The following IQANK1 variants were observed in gnomAD, a reference collection of about 807,000 sequenced individuals.
IQANK1 encodes IQ motif and ankyrin repeat containing 1.
In IQANK1, 30 loss-of-function variants were observed where a neutral mutation model predicts 22.6. That is an observed-to-expected ratio of 1.33 (90% confidence interval 0.99 to 1.80). The LOEUF (loss-of-function observed/expected upper bound fraction) is 1.80. Ranked by LOEUF, IQANK1 falls within the 40% of genes most tolerant of loss-of-function variation. The pLI, the probability that IQANK1 is intolerant of heterozygous loss-of-function variation, is 0.00. For missense variants in IQANK1, 275 were observed against 235.2 expected (o/e 1.17, Z -1.11); for synonymous variants, 122 against 99.6 (o/e 1.23, Z -1.34).
chr8:143,771,646 G>A lies in IQANK1; in HGVS notation c.306+28G>A, dbSNP rs905174837. 5 of 399,720 alleles carry A rather than the reference G, an allele frequency of 1.3e-5. No homozygotes were observed. Among genetic ancestry groups the A allele is most frequent in the Non-Finnish European group, 2.2e-5 (5 of 227,162 alleles). 24.8% of individuals were successfully genotyped at this position (399,720 alleles called of 1,614,324 possible). On this transcript the variant is annotated intron_variant, in intron 4 of 13. Transcript: ENST00000527139. This position sits in a 1 kb window ranked among gnomAD's most constrained non-coding sequence, Gnocchi z 6.0. Reference sequence around the variant, plus strand: ...GAGGACGGGCAGCCGCAACAGCCGGGGGCCAGGCAGGAGGCAGGGGGAGGA... The same window carrying A: ...GAGGACGGGCAGCCGCAACAGCCGGAGGCCAGGCAGGAGGCAGGGGGAGGA...
At chr8:143,780,594 C>A (rs1052755948) in intron 7 of IQANK1, among the ~76,000 whole-genome samples, 1 of 152,116 alleles carries the variant, frequency 6.6e-6, no homozygotes. Context: ...TCTGTTCCTG[C>A]GATAGTTTGC....
At chr8:143,737,520 G>C (rs556665010) in intron 2 of IQANK1, among the ~76,000 whole-genome samples, 90 of 152,320 alleles carry the variant, frequency 5.9e-4, no homozygotes, top group African/African-American at 2.1e-3. Context: ...ATGTGAAGAT[G>C]GGCCCACAGA....
At chr8:143,784,295 T>A (rs28718804) in intron 7 of IQANK1, among the ~76,000 whole-genome samples, 6,029 of 152,142 alleles carry the variant, frequency 0.04, 422 homozygotes, top group African/African-American at 0.14. Flanking sequence ...AATAGTGAGT[T>A]CTCATGAGAT....
chr8:143,757,095 A>G (rs1819307665), intron 3 of IQANK1, among the ~76,000 whole-genome samples: 1 of 152,190 alleles, frequency 6.6e-6, no homozygotes, highest in African/African-American at 2.4e-5. Context: ...CATATGTGCA[A>G]CTGACAGTCA....
intron 3 of IQANK1, among the ~76,000 whole-genome samples, chr8:143,741,447 C>T (rs1406817662): frequency 6.6e-6 from 1 of 152,164 alleles, no homozygotes; most frequent in Non-Finnish European, 1.5e-5. Context: ...TGCCATGGTG[C>T]CTCTTTTTGC....
chr8:143,756,532 G>A (rs1297777267), intron 3 of IQANK1, among the ~76,000 whole-genome samples: 5 of 152,110 alleles, frequency 3.3e-5, no homozygotes, highest in African/African-American at 1.2e-4. Context: ...GGTGTACCAT[G>A]AATTGCTGGT....
rs1045311018 is a variant in IQANK1 at position 143,738,503 on chromosome 8, C to T, written c.86-1356C>T. 9.2e-5 allele frequency among the ~76,000 whole-genome samples: 14 copies of T among 152,300 alleles called. No homozygotes were observed. The East Asian group carries it at 1.2e-3, about 13-fold the overall frequency. On this transcript the variant is annotated intron_variant, in intron 2 of 13. Transcript: ENST00000527139. The stretch of plus-strand genomic sequence containing the variant: ...CAGGGAGTTTATAGGGACTCCACGG[C>T]GCGGTGGCTCGCCTGGGCTGAGAGG...
At chr8:143,789,719 C>T (rs955114574) in intron 10 of IQANK1, 42 bp from the exon 11 acceptor site, 1 of 1,225,970 alleles carries the variant, frequency 8.2e-7, no homozygotes, top group Non-Finnish European at 1.0e-6. Flanking sequence ...CCAGCCAGAG[C>T]ATGGGGCAGG....
At chr8:143,743,079 C>T (rs1554626834) in intron 3 of IQANK1, 2 of 455,250 alleles carry the variant, frequency 4.4e-6, no homozygotes, top group Admixed American at 4.7e-5. Flanking sequence ...TAGCAGCCAC[C>T]ACATCTACCA....
At chr8:143,757,628 C>T (rs964744485) in intron 3 of IQANK1, among the ~76,000 whole-genome samples, 10 of 152,124 alleles carry the variant, frequency 6.6e-5, no homozygotes, top group African/African-American at 1.2e-4. Context: ...TGAGCCACCA[C>T]GCTTGGCCAC....
At chr8:143,772,508 C>T (rs548802138) in intron 7 of IQANK1, 26 bp downstream of exon 7, 33 of 398,184 alleles carry the variant, frequency 8.3e-5, no homozygotes, top group Non-Finnish European at 1.2e-4. Context: ...GTGTGGGCCC[C>T]GGGAGGTGTG....
At chr8:143,744,639 A>G (rs1280184201) in intron 3 of IQANK1, 3 of 152,132 alleles carry the variant, frequency 2.0e-5, no homozygotes, top group Admixed American at 6.5e-5. Context: ...GATGGAAACC[A>G]CCACACCTGC....
intron 3 of IQANK1, chr8:143,744,127 T>A (rs1554626995): frequency 4.9e-6 from 1 of 202,824 alleles, no homozygotes. Context: ...CCACCAGGCC[T>A]GGCTCCTTTT....
rs549672175 is a variant in IQANK1, at chr8:143,789,703, C to G, written c.1087-58C>G. Reference sequence around the variant, plus strand: ...GGTGGGGAGGAAGCTCGGGCAGCTGCCCTCTCCAGCCAGAGCATGGGGCAG... The same window carrying G: ...GGTGGGGAGGAAGCTCGGGCAGCTGGCCTCTCCAGCCAGAGCATGGGGCAG... On this transcript the variant is annotated intron_variant, in intron 10 of 13. Coordinates refer to ENST00000527139, the MANE Select transcript of IQANK1 (RefSeq NM_001381874.1). 4.9e-6 allele frequency: 6 copies of G among 1,222,218 alleles called. No individual in the cohort carries two copies. In the African/African-American group the frequency reaches 9.3e-5, roughly 19 times the overall value. 75.7% of individuals were successfully genotyped at this position (1,222,218 alleles called of 1,614,324 possible).
chr8:143,787,761 C>T (rs936128160), intron 7 of IQANK1, among the ~76,000 whole-genome samples: 23 of 152,212 alleles, frequency 1.5e-4, no homozygotes, highest in South Asian at 6.2e-4. Flanking sequence ...ACCTCCTTCC[C>T]CTCATCCTGT....
intron 3 of IQANK1, among the ~76,000 whole-genome samples, chr8:143,753,212 C>G (rs574145355): frequency 6.6e-6 from 1 of 151,928 alleles, no homozygotes; most frequent in African/African-American, 2.4e-5. Flanking sequence ...CAGGGTTTTG[C>G]TATGTTGCCC....
chr8:143,753,182 G>A (rs1247088151), intron 3 of IQANK1, among the ~76,000 whole-genome samples: 2 of 150,976 alleles, frequency 1.3e-5, no homozygotes, highest in Non-Finnish European at 3.0e-5. Context: ...TTTTGTTTTT[G>A]TTTTTATTTC....
intron 3 of IQANK1, chr8:143,759,666 G>A (rs955964559): frequency 1.3e-5 from 2 of 152,264 alleles, no homozygotes; most frequent in African/African-American, 4.8e-5. Flanking sequence ...GTTCTCCAAG[G>A]ATGCCCGCCT....
At chr8:143,790,091 GA>G (rs1563783843) in intron 12 of IQANK1, 27 bp downstream of exon 12, 2 of 1,232,004 alleles carry the variant, frequency 1.6e-6, no homozygotes. Context: ...AGACGTGGGC[GA>G]TTTGGGGTTT....
Sources: gnomAD v4.1 joint callset for allele counts (sites outside exome capture counted in the v4.1 genomes callset) on GRCh38, gnomAD v4.1.1 for gene constraint, Gnocchi (gnomAD v3.1) non-coding constraint, MANE v1.5 for transcripts, NCBI Gene and HGNC (gene_info 2026-07-23, HGNC 2026-07-21) for gene names.